ATF7IP: variants seen among roughly 807,000 people sequenced by gnomAD.
The protein encoded by ATF7IP is activating transcription factor 7-interacting protein 1.
A neutral mutation model predicts 106.4 loss-of-function variants in ATF7IP; 23 were observed. The ratio of observed to expected loss-of-function variants is 0.22; its 90% CI spans 0.16 to 0.31. ATF7IP has a LOEUF of 0.31. Among genes scored for constraint, ATF7IP ranks in the 10% least tolerant of loss-of-function variants. ATF7IP has a pLI of 1.00. For synonymous variants in ATF7IP, 542 were observed against 539.0 expected, an observed-to-expected ratio of 1.01 and a Z score of -0.08; for missense variants, 1,334 against 1,524.3, an observed-to-expected ratio of 0.88 and a Z score of 2.08.
At chr12:14,444,507 A>G (rs996669161) in intron 5 of ATF7IP, among the ~76,000 whole-genome samples, 1 of 151,316 alleles carries the variant, frequency 6.6e-6, no homozygotes, top group Non-Finnish European at 1.5e-5. Context: ...TGGAGTTACA[A>G]AAATGACTTG....
At chr12:14,446,848 CTTAAT>C (rs761255181) in intron 5 of ATF7IP, 135 bp from the exon 6 acceptor site, 38 of 566,212 alleles carry the variant, frequency 6.7e-5, no homozygotes, top group Admixed American at 2.0e-4. Flanking sequence ...TTATAATCAA[CTTAAT>C]TTATTTTCTT....
chr12:14,417,909 G>C (rs1173841968), intron 1 of ATF7IP, among the ~76,000 whole-genome samples: 1 of 152,162 alleles, frequency 6.6e-6, no homozygotes, highest in East Asian at 1.9e-4. Flanking sequence ...GATTGGCTGA[G>C]TTTGTGAGCA....
intron 1 of ATF7IP, among the ~76,000 whole-genome samples, chr12:14,371,903 G>T (rs977481656): frequency 1.3e-5 from 2 of 152,072 alleles, no homozygotes; most frequent in Admixed American, 1.3e-4. Context: ...CATGTATAAA[G>T]AAGCTTGAGA....
intron 2 of ATF7IP, among the ~76,000 whole-genome samples, chr12:14,432,116 G>A (rs367808667): frequency 2.5e-4 from 38 of 152,264 alleles, no homozygotes; most frequent in African/African-American, 8.2e-4. Flanking sequence ...ACTAACATGC[G>A]TATAAAAGAG....
chr12:14,457,727 A>ATATT lies in ATF7IP; in HGVS notation c.2158+437_2158+440dup, dbSNP rs1429122182. On this transcript the variant is annotated intron_variant, in intron 8 of 14. Coordinates refer to ENST00000261168, the MANE Select transcript of ATF7IP (RefSeq NM_018179.5). The stretch of plus-strand genomic sequence containing the variant: ...TTGTTTATGTGGGTTACATCCATTG[A>ATATT]TATTTATTATCAGTCGAAATGAAGT... 5.3e-5 allele frequency among the ~76,000 whole-genome samples: 8 copies of ATATT among 152,310 alleles called. 1 individual carries two copies. In the South Asian group the frequency reaches 1.7e-3, roughly 32 times the overall value.
At chr12:14,442,322 G>GT (rs1318882660) in intron 5 of ATF7IP, among the ~76,000 whole-genome samples, 4 of 151,428 alleles carry the variant, frequency 2.6e-5, no homozygotes, top group Non-Finnish European at 5.9e-5. Flanking sequence ...AGGGAAATAT[G>GT]TTTTTTTGGT....
Position 14,399,586 on chromosome 12 carries a change from T to A in ATF7IP, c.-7-24323T>A, listed in dbSNP as rs546961160. The stretch of plus-strand genomic sequence containing the variant: ...TTTTTTCAGCTTTGCTGATTTTTTT[T>A]AATTTTCTTATTTTTTCCCTCCTTT... On this transcript the variant is annotated intron_variant, in intron 1 of 14. Coordinates refer to ENST00000261168, the MANE Select transcript of ATF7IP (RefSeq NM_018179.5). 1.2e-3 allele frequency among the ~76,000 whole-genome samples: 189 copies of A among 152,192 alleles called. 1 individual carries two copies. The highest frequency in any genetic ancestry group is 2.8e-3 in the African/African-American group (118 of 41,580).
rs397735482 is a variant in ATF7IP at position 14,446,984 on chromosome 12, T to TTG, written c.1930-4_1930-3insTG. 6.4e-7 allele frequency: 1 copy of TTG among 1,556,310 alleles called. No homozygotes were observed. The highest frequency in any genetic ancestry group is 8.6e-7 in the Non-Finnish European group (1 of 1,158,506). On this transcript the variant is annotated splice_polypyrimidine_tract_variant and splice_region_variant and intron_variant, in intron 5 of 14. Transcript: ENST00000261168. ...TTCATTTTTGTCTTTTTTTTTTTTT[T>TTG]CAGGCCAAGATAGCCAGGTTAACCA...
intron 1 of ATF7IP, among the ~76,000 whole-genome samples, chr12:14,420,999 T>G (rs1435435614): frequency 6.6e-6 from 1 of 152,256 alleles, no homozygotes; most frequent in African/African-American, 2.4e-5. Context: ...TATTCTACTA[T>G]TGATTGATGA....
At chr12:14,368,834 C>G (rs904338671) in intron 1 of ATF7IP, among the ~76,000 whole-genome samples, 1 of 151,928 alleles carries the variant, frequency 6.6e-6, no homozygotes, top group Non-Finnish European at 1.5e-5. Context: ...CAGCTACTTA[C>G]GGCTTTGGGG....
intron 1 of ATF7IP, among the ~76,000 whole-genome samples, chr12:14,381,231 G>A (rs749010300): frequency 6.6e-6 from 1 of 151,978 alleles, no homozygotes; most frequent in Non-Finnish European, 1.5e-5. Context: ...ACAACTGGTC[G>A]TGCTTATTTA....
At chr12:14,439,578 C>G (rs1225304156) in intron 5 of ATF7IP, among the ~76,000 whole-genome samples, 1 of 152,158 alleles carries the variant, frequency 6.6e-6, no homozygotes, top group Non-Finnish European at 1.5e-5. Flanking sequence ...CGCCTGTGAG[C>G]TCAGCACTTT....
intron 3 of ATF7IP, among the ~76,000 whole-genome samples, chr12:14,435,663 T>C (rs551110343): frequency 2.0e-5 from 3 of 152,302 alleles, no homozygotes; most frequent in African/African-American, 7.2e-5. Context: ...GATTAAGAAT[T>C]TTTTCCTATA....
Position 14,475,891 on chromosome 12 carries a change from G to A in ATF7IP, c.2864G>A (p.Cys955Tyr). Reference sequence around the variant, plus strand: ...AAATGTAGAAGTTTTGTTTTTCAGTGTGGAAAAGCCACTGGCAGTGATTCA... The same window carrying A: ...AAATGTAGAAGTTTTGTTTTTCAGTATGGAAAAGCCACTGGCAGTGATTCA... ...SKKAADSTSQ[C>Y]GKATGSDSSG... is the part of the protein sequence containing the mutation. The change falls in exon 11 of 15, where the codon TGT becomes TAT. Residue 955 changes from cysteine to tyrosine, a missense_variant and splice_region_variant. By Grantham distance (194) the Cys-to-Tyr change is radical. Around this residue, in one of 10 missense-constraint regions of ATF7IP, gnomAD observed 370 missense variants for 401.2 expected, o/e 0.92. Coordinates refer to ENST00000261168, the MANE Select transcript of ATF7IP (RefSeq NM_018179.5). 6.2e-7 allele frequency: 1 copy of A among 1,606,244 alleles called. No homozygotes were observed. Among genetic ancestry groups the A allele is most frequent in the Admixed American group, 1.7e-5 (1 of 57,732 alleles).
At chr12:14,408,087 A>C (rs1940698963) in intron 1 of ATF7IP, among the ~76,000 whole-genome samples, 1 of 148,282 alleles carries the variant, frequency 6.7e-6, no homozygotes, top group Non-Finnish European at 1.5e-5. Context: ...TGTAAATAGA[A>C]AAACACTTAA....
In ATF7IP at chr12:14,502,098, C is replaced by A. The variant is rs1334254512; in HGVS notation, c.*4025C>A. ...GGGCCAATTCAGTATCCTCAACATC[C>A]TAAGATTTTGTTGTTTTATCACTGA... On this transcript the variant is annotated 3_prime_UTR_variant, in exon 15 of 15. Transcript: ENST00000261168. 3 of 152,122 alleles carry A rather than the reference C, an allele frequency of 2.0e-5. No individual in the cohort carries two copies. Among genetic ancestry groups the A allele is most frequent in the Non-Finnish European group, 4.4e-5 (3 of 68,018 alleles). 9.4% of individuals were successfully genotyped at this position (152,122 alleles called of 1,614,324 possible). A position where few individuals can be genotyped will look rare whatever the true frequency, so the allele number is the denominator to read the frequency against.
intron 9 of ATF7IP, among the ~76,000 whole-genome samples, chr12:14,461,661 GACATATTATA>G (rs1943642039): frequency 4.6e-5 from 7 of 152,030 alleles, no homozygotes; most frequent in African/African-American, 1.7e-4. Context: ...TTTCCCATAT[GACATATTATA>G]TGATTGTTTG....
At chr12:14,434,972 C>T (rs1448705072) in intron 3 of ATF7IP, among the ~76,000 whole-genome samples, 5 of 151,992 alleles carry the variant, frequency 3.3e-5, no homozygotes, top group African/African-American at 4.8e-5. Context: ...CCTGTAGTCC[C>T]AGCTACTTTG....
chr12:14,436,151 A>G lies in ATF7IP; in HGVS notation c.1691A>G (p.Asn564Ser), dbSNP rs375922399. The stretch of plus-strand genomic sequence containing the variant: ...CGTTCTAAATCAGAAGACATGGACA[A>G]TGTACAGTCTAAACGTCGTCGATAT... Reference protein sequence around the residue: ...RKRSKSEDMDNVQSKRRRYME... With the variant: ...RKRSKSEDMDSVQSKRRRYME... The change falls in exon 4 of 15, where the codon AAT becomes AGT. Residue 564 changes from asparagine (N) to serine (S), a missense_variant. Physicochemically the swap from Asn to Ser is conservative, Grantham distance 46. This residue lies in a region of ATF7IP where 119 missense variants were observed against 117.8 expected (regional missense o/e 1.01). Transcript: ENST00000261168. The G allele has an allele frequency of 5.0e-6, 8 of 1,613,704 alleles. No homozygotes were observed. Among genetic ancestry groups the G allele is most frequent in the Non-Finnish European group, 5.9e-6 (7 of 1,179,748 alleles).
Sources: allele counts gnomAD v4.1 joint callset (sites outside exome capture counted in the v4.1 genomes callset), GRCh38; gene constraint gnomAD v4.1.1; regional missense constraint gnomAD v4.1.1; transcripts MANE v1.5; gene names NCBI Gene and HGNC (gene_info 2026-07-23, HGNC 2026-07-21).